Variants in CLIP2 observed in about 807,000 individuals in gnomAD.
The protein encoded by CLIP2 is CAP-Gly domain-containing linker protein 2.
A neutral mutation model predicts 111.7 loss-of-function variants in CLIP2; 41 were observed. That is an observed-to-expected ratio of 0.37 (90% CI 0.29 to 0.48). The LOEUF is 0.48. CLIP2 is among the 20% of genes least tolerant of loss of function. The probability of loss-of-function intolerance (pLI) is 0.99; values close to 1 mark genes in which losing one functional copy is unlikely to be tolerated. For synonymous variants in CLIP2, 660 were observed against 644.2 expected, an observed-to-expected ratio of 1.02 and a Z score of -0.37; for missense variants, 1,160 against 1,422.1, an observed-to-expected ratio of 0.82 and a Z score of 2.96.
At chr7:74,296,011 C>T (rs996336499) in intron 1 of CLIP2, among the ~76,000 whole-genome samples, 9 of 132,290 alleles carry the variant, frequency 6.8e-5, no homozygotes, top group Admixed American at 3.0e-4. Flanking sequence ...AAAAAAAAAG[C>T]GTTTTTATAG....
At chr7:74,369,439 G>C (rs782265773) in intron 8 of CLIP2, among the ~76,000 whole-genome samples, 3 of 151,658 alleles carry the variant, frequency 2.0e-5, no homozygotes, top group Middle Eastern at 3.4e-3. Flanking sequence ...GCTACTTGGG[G>C]GGCTGAGGCA....
At position 74,386,579 on chromosome 7, in the gene CLIP2, C is replaced by T. The variant is rs145862106; in HGVS notation, c.2538C>T (p.Thr846=). Residue 846 remains threonine, a synonymous_variant, in exon 12 of 17, where the codon ACC becomes ACT. Coordinates refer to ENST00000223398, the MANE Select transcript of CLIP2 (RefSeq NM_003388.5). ...DKEVTALTSQ[T]EMLRAQVSAL... is the part of the protein sequence containing the mutation. ...AGGTGACAGCCTTGACCTCCCAGAC[C>T]GAGATGCTCAGGGCCCAAGTAAGTG... 72 of 1,610,332 alleles carry T rather than the reference C, an allele frequency of 4.5e-5. 1 individual carries two copies. Among genetic ancestry groups the T allele is most frequent in the South Asian group, 4.2e-4 (38 of 90,552 alleles).
At chr7:74,372,714 G>A (rs1276261534) in intron 8 of CLIP2, among the ~76,000 whole-genome samples, 3 of 150,878 alleles carry the variant, frequency 2.0e-5, no homozygotes, top group Non-Finnish European at 4.4e-5. Context: ...ACAGCAAGGG[G>A]TGGGCATGAG....
chr7:74,319,222 A>G (rs1360793531), intron 2 of CLIP2, among the ~76,000 whole-genome samples: 1 of 152,100 alleles, frequency 6.6e-6, no homozygotes, highest in Non-Finnish European at 1.5e-5. Flanking sequence ...ATTTGTTAAG[A>G]AAGAAAAAGG....
At chr7:74,385,450 A>G (rs1554314619) in intron 11 of CLIP2, among the ~76,000 whole-genome samples, 1 of 150,982 alleles carries the variant, frequency 6.6e-6, no homozygotes. Context: ...GAGCAACACA[A>G]TGATAACCTG....
intron 2 of CLIP2, among the ~76,000 whole-genome samples, chr7:74,330,176 G>A (rs1405534133): frequency 1.3e-5 from 2 of 151,696 alleles, no homozygotes; most frequent in Non-Finnish European, 2.9e-5. Context: ...CGATCCTCCT[G>A]CCTCAGCCTC....
chr7:74,348,153 G>A (rs561781310), intron 3 of CLIP2, among the ~76,000 whole-genome samples: 1 of 151,968 alleles, frequency 6.6e-6, no homozygotes, highest in Admixed American at 6.6e-5. Context: ...CTGGGGAACA[G>A]AGTGACTCCA....
At chr7:74,296,458 T>C (rs551516634) in intron 1 of CLIP2, among the ~76,000 whole-genome samples, 3 of 150,832 alleles carry the variant, frequency 2.0e-5, no homozygotes, top group Admixed American at 6.6e-5. Context: ...TGCAGTGAGC[T>C]GGGATTGCCA....
chr7:74,314,806 G>A (rs1299762463), intron 1 of CLIP2, among the ~76,000 whole-genome samples: 1 of 152,218 alleles, frequency 6.6e-6, no homozygotes, highest in Non-Finnish European at 1.5e-5. Flanking sequence ...AGGATAGTGG[G>A]GAAGAGGCCT....
At chr7:74,397,007 T>C (rs1791468798) in intron 13 of CLIP2, 67 bp from the exon 14 acceptor site, 7 of 1,572,442 alleles carry the variant, frequency 4.5e-6, no homozygotes, top group Non-Finnish European at 6.1e-6. Context: ...CTTGGCAAAT[T>C]GCTAGAGTGT....
chr7:74,293,243 A>G (rs1298038185), intron 1 of CLIP2, among the ~76,000 whole-genome samples: 1 of 152,224 alleles, frequency 6.6e-6, no homozygotes, highest in Non-Finnish European at 1.5e-5. Context: ...GAACTTGTGC[A>G]GCAAACAATT....
chr7:74,303,872 A>C (rs1554727286), intron 1 of CLIP2, among the ~76,000 whole-genome samples: 2 of 146,948 alleles, frequency 1.4e-5, no homozygotes, highest in African/African-American at 5.0e-5. Flanking sequence ...AGATCGTGCC[A>C]CTGCACTCCA....
At chr7:74,385,151 C>T (rs1165801713) in intron 11 of CLIP2, among the ~76,000 whole-genome samples, 1 of 148,750 alleles carries the variant, frequency 6.7e-6, no homozygotes, top group Non-Finnish European at 1.5e-5. Context: ...AAAAGTTAGC[C>T]GGGTGTGGTG....
At chr7:74,314,686 G>A (rs911019946) in intron 1 of CLIP2, among the ~76,000 whole-genome samples, 12 of 152,190 alleles carry the variant, frequency 7.9e-5, no homozygotes, top group Non-Finnish European at 1.3e-4. Flanking sequence ...CCATTGGACG[G>A]TGCTCCCCAG....
chr7:74,334,285 A>C (rs908582077), intron 2 of CLIP2, among the ~76,000 whole-genome samples: 1 of 152,172 alleles, frequency 6.6e-6, no homozygotes, highest in African/African-American at 2.4e-5. Flanking sequence ...CACTACTCAG[A>C]GGAAGAATGA....
At chr7:74,317,985 A>C (rs1440816659) in intron 2 of CLIP2, among the ~76,000 whole-genome samples, 1 of 152,020 alleles carries the variant, frequency 6.6e-6, no homozygotes, top group African/African-American at 2.4e-5. Flanking sequence ...GGAGGTCAAG[A>C]GTTCGAGACC....
intron 10 of CLIP2, among the ~76,000 whole-genome samples, chr7:74,378,949 A>G (rs1790867584): frequency 6.6e-6 from 1 of 152,108 alleles, no homozygotes; most frequent in Non-Finnish European, 1.5e-5. Context: ...GCTGAAAGAA[A>G]AGGAAGAAAC....
intron 1 of CLIP2, among the ~76,000 whole-genome samples, chr7:74,308,908 C>T (rs1167166904): frequency 6.6e-6 from 1 of 151,982 alleles, no homozygotes; most frequent in Non-Finnish European, 1.5e-5. Flanking sequence ...CACTCTGTCA[C>T]CCAGGCTGGA....
chr7:74,301,203 T>C (rs1554726767), intron 1 of CLIP2, among the ~76,000 whole-genome samples: 1 of 152,176 alleles, frequency 6.6e-6, no homozygotes, highest in African/African-American at 2.4e-5. Context: ...ATTTTTTATA[T>C]GGTTCTTGGC....
Sources: gnomAD v4.1 joint callset for allele counts (sites outside exome capture counted in the v4.1 genomes callset) on GRCh38, gnomAD v4.1.1 for gene constraint, MANE v1.5 for transcripts, NCBI Gene and HGNC (gene_info 2026-07-23, HGNC 2026-07-21) for gene names.